Variants in SDK1 observed in about 807,000 individuals in gnomAD.
SDK1 encodes protein sidekick-1.
In SDK1, 157 loss-of-function variants were observed where a neutral mutation model predicts 245.5. The observed-to-expected ratio is 0.64, with a 90% confidence interval of 0.56 to 0.73. The LOEUF is 0.73. SDK1 is among the 30% of genes least tolerant of loss of function. SDK1 has a pLI of 0.00. For missense variants in SDK1, 3,583 were observed against 3,002.3 expected (o/e 1.19, Z -4.52); for synonymous variants, 1,647 against 1,278.5 (o/e 1.29, Z -6.15).
At position 4,049,457 on chromosome 7, in the gene SDK1, A is replaced by G. The variant is rs1168496350; in HGVS notation, c.2712A>G (p.Gly904=). 1.2e-6 allele frequency: 2 copies of G among 1,612,622 alleles called. No homozygotes were observed. The highest frequency in any genetic ancestry group is 1.7e-6 in the Non-Finnish European group (2 of 1,178,618). ...PQQFINGINQ[G]YKLLAWPADA... ...AGTTTATCAATGGCATCAACCAGGG[A>G]TACAAGGTACGTGGCCTGGGTTCAG... The change falls in exon 18 of 45, where the codon GGA becomes GGG. Residue 904 remains glycine (G), a synonymous_variant. Transcript: ENST00000404826.
chr7:3,665,907 A>G (rs1310176577), intron 4 of SDK1, among the ~76,000 whole-genome samples: 1 of 152,066 alleles, frequency 6.6e-6, no homozygotes, highest in East Asian at 1.9e-4. Context: ...GGTTCCATTT[A>G]TGAAGGGCAG....
At chr7:3,799,020 A>G (rs961280612) in intron 4 of SDK1, among the ~76,000 whole-genome samples, 2 of 152,120 alleles carry the variant, frequency 1.3e-5, no homozygotes, top group African/African-American at 2.4e-5. Flanking sequence ...TTCTCCTGCA[A>G]GGAAGGTTTG....
intron 1 of SDK1, among the ~76,000 whole-genome samples, chr7:3,460,540 G>C (rs1010108126): frequency 1.3e-5 from 2 of 152,206 alleles, no homozygotes; most frequent in Non-Finnish European, 2.9e-5. Flanking sequence ...TTATATGTCA[G>C]TGTGTCATAA....
intron 1 of SDK1, among the ~76,000 whole-genome samples, chr7:3,378,246 T>G (rs997492116): frequency 4.6e-5 from 7 of 152,168 alleles, no homozygotes; most frequent in African/African-American, 1.7e-4. Context: ...TCTCACATAT[T>G]TTGTGTTTTC....
chr7:3,670,995 A>G (rs377126234), intron 4 of SDK1, among the ~76,000 whole-genome samples: 5 of 152,188 alleles, frequency 3.3e-5, no homozygotes, highest in African/African-American at 1.2e-4. Flanking sequence ...CATAGTTACC[A>G]CGATTACAGT....
At chr7:3,504,298 A>G (rs1036815835) in intron 1 of SDK1, among the ~76,000 whole-genome samples, 1 of 149,924 alleles carries the variant, frequency 6.7e-6, no homozygotes, top group South Asian at 2.1e-4. Context: ...TTGTTGCAGA[A>G]TTTGACCAGC....
intron 4 of SDK1, among the ~76,000 whole-genome samples, chr7:3,670,613 C>G (rs1431435776): frequency 6.6e-6 from 1 of 152,072 alleles, no homozygotes; most frequent in Non-Finnish European, 1.5e-5. Flanking sequence ...TTAATAAGCC[C>G]CCAGTAAATG....
intron 21 of SDK1, 94 bp from the exon 22 acceptor site, chr7:4,079,369 G>GTA: frequency 6.9e-7 from 1 of 1,456,328 alleles, no homozygotes; most frequent in African/African-American, 1.5e-5. Flanking sequence ...GAATCGTTTT[G>GTA]AAACTGTTTA....
intron 1 of SDK1, among the ~76,000 whole-genome samples, chr7:3,430,351 G>C (rs900080996): frequency 6.6e-6 from 1 of 152,052 alleles, no homozygotes; most frequent in African/African-American, 2.4e-5. Flanking sequence ...GCAAGTGTTA[G>C]AAAAATGCTA....
chr7:3,314,581 T>C (rs150181280), intron 1 of SDK1, among the ~76,000 whole-genome samples: 5 of 152,222 alleles, frequency 3.3e-5, no homozygotes, highest in Non-Finnish European at 7.3e-5. Context: ...TATGATTGGT[T>C]GATGCTCATC....
At chr7:3,373,699 G>T (rs1472269797) in intron 1 of SDK1, among the ~76,000 whole-genome samples, 3 of 151,880 alleles carry the variant, frequency 2.0e-5, no homozygotes, top group Admixed American at 6.6e-5. Flanking sequence ...AATGACAAGA[G>T]AAAGCAAAAT....
chr7:3,666,030 G>T (rs1043377436), intron 4 of SDK1, among the ~76,000 whole-genome samples: 1 of 152,012 alleles, frequency 6.6e-6, no homozygotes, highest in Non-Finnish European at 1.5e-5. Context: ...CTTTGTTCTG[G>T]CCATTGGCAT....
At chr7:3,758,181 G>C (rs1347235428) in intron 4 of SDK1, among the ~76,000 whole-genome samples, 1 of 152,194 alleles carries the variant, frequency 6.6e-6, no homozygotes, top group Non-Finnish European at 1.5e-5. Flanking sequence ...TAAATATTCT[G>C]AGGGATATAC....
At chr7:4,012,045 G>A (rs894776) in intron 15 of SDK1, 50 bp from the exon 16 acceptor site, 220,825 of 1,352,984 alleles carry the variant, frequency 0.16, 18,580 homozygotes, top group Non-Finnish European at 0.17. Context: ...ATGGGCCCCC[G>A]CTGTTTCTGG....
rs565797401 is a variant in SDK1 at position 3,518,713 on chromosome 7, C to T, written c.299-100367C>T. Among the ~76,000 whole-genome samples the T allele has an allele frequency of 3.9e-5, 6 of 152,174 alleles. No individual in the cohort carries two copies. In the East Asian group the frequency reaches 9.7e-4, roughly 24 times the overall value. The stretch of plus-strand genomic sequence containing the variant: ...GCAATGATACGGAGAAAAGGGAACT[C>T]TTACACACTATGCAGGAAAGTAAAC... On this transcript the variant is annotated intron_variant, in intron 1 of 44. Coordinates refer to ENST00000404826, the MANE Select transcript of SDK1 (RefSeq NM_152744.4).
At chr7:3,620,394 C>G (rs183229109) in intron 2 of SDK1, among the ~76,000 whole-genome samples, 2 of 151,912 alleles carry the variant, frequency 1.3e-5, no homozygotes, top group East Asian at 3.9e-4. Context: ...CCTCCACCTT[C>G]TGGGTTCAAA....
intron 1 of SDK1, among the ~76,000 whole-genome samples, chr7:3,335,379 C>G (rs953057431): frequency 2.0e-5 from 3 of 151,574 alleles, no homozygotes; most frequent in African/African-American, 7.3e-5. Flanking sequence ...AAAACAACTG[C>G]TTTATTAACT....
chr7:4,088,300 ATTCT>A (rs2128182496), intron 22 of SDK1, among the ~76,000 whole-genome samples: 1 of 151,880 alleles, frequency 6.6e-6, no homozygotes, highest in Admixed American at 6.6e-5. Context: ...AATTTTTTAT[ATTCT>A]TTCTTTCTCT....
intron 1 of SDK1, among the ~76,000 whole-genome samples, chr7:3,318,847 A>G (rs1168361771): frequency 3.3e-5 from 5 of 152,230 alleles, no homozygotes; most frequent in African/African-American, 1.2e-4. Context: ...TAATATTGAC[A>G]ATCAAATTTA....
Sources: gnomAD v4.1 joint callset for allele counts (sites outside exome capture counted in the v4.1 genomes callset) on GRCh38, gnomAD v4.1.1 for gene constraint, MANE v1.5 for transcripts, NCBI Gene and HGNC (gene_info 2026-07-23, HGNC 2026-07-21) for gene names.